Variants in ADAMTS2 observed in about 807,000 individuals in gnomAD.
ADAMTS2 encodes ADAM metallopeptidase with thrombospondin type 1 motif 2.
ADAMTS2 carries 50 observed loss-of-function variants against 123.0 expected under a neutral mutation model. The ratio of observed to expected loss-of-function variants is 0.41; its 90% CI spans 0.32 to 0.51. The LOEUF (loss-of-function observed/expected upper bound fraction) is 0.51, where lower values mean the gene tolerates loss of function less well. Among genes scored for constraint, ADAMTS2 ranks in the 20% least tolerant of loss-of-function variants. ADAMTS2 has a pLI of 0.35. For missense variants in ADAMTS2, 1,494 were observed against 1,705.2 expected (o/e 0.88, Z 2.18); for synonymous variants, 678 against 695.4 (o/e 0.98, Z 0.39).
intron 18 of ADAMTS2, 46 bp from the exon 19 acceptor site, chr5:179,125,226 A>G: frequency 6.3e-7 from 1 of 1,587,540 alleles, no homozygotes; most frequent in African/African-American, 1.3e-5. Flanking sequence ...CAGCACCTGG[A>G]GAACCTGCCT....
intron 2 of ADAMTS2, among the ~76,000 whole-genome samples, chr5:179,275,752 T>C (rs1379461681): frequency 6.6e-6 from 1 of 152,184 alleles, no homozygotes; most frequent in Non-Finnish European, 1.5e-5. Context: ...ATGCCTGGAT[T>C]TGGGTCAGGT....
intron 5 of ADAMTS2, among the ~76,000 whole-genome samples, chr5:179,172,627 C>A (rs1045940391): frequency 6.6e-6 from 1 of 152,202 alleles, no homozygotes; most frequent in Non-Finnish European, 1.5e-5. Flanking sequence ...CGTGAGCTAG[C>A]GCCCATAGGG....
At chr5:179,335,861 G>T (rs1341522890) in intron 2 of ADAMTS2, among the ~76,000 whole-genome samples, 1 of 152,208 alleles carries the variant, frequency 6.6e-6, no homozygotes, top group Non-Finnish European at 1.5e-5. Context: ...GGGCTGCAGA[G>T]CCTCCACGCC....
At chr5:179,153,947 G>A (rs1438380036) in intron 8 of ADAMTS2, 102 bp downstream of exon 8, 4 of 1,471,624 alleles carry the variant, frequency 2.7e-6, no homozygotes, top group African/African-American at 2.8e-5. Flanking sequence ...TAGAGGACCT[G>A]AGGTCGGAGG....
At chr5:179,154,750 G>T in intron 7 of ADAMTS2, 64 bp downstream of exon 7, 1 of 1,355,312 alleles carries the variant, frequency 7.4e-7, no homozygotes, top group Non-Finnish European at 1.0e-6. Flanking sequence ...AGGAGAAGTG[G>T]GCAGCCAGGG....
At chr5:179,287,257 C>T (rs976888789) in intron 2 of ADAMTS2, among the ~76,000 whole-genome samples, 13 of 152,194 alleles carry the variant, frequency 8.5e-5, no homozygotes, top group African/African-American at 2.4e-4. Context: ...AGTAGGAGCC[C>T]GCCCAGGGCT....
rs1230071543 is a variant in ADAMTS2, at chr5:179,303,171, C to G, written c.535-30107G>C. On this transcript the variant is annotated intron_variant, in intron 2 of 21. Coordinates refer to ENST00000251582, the MANE Select transcript of ADAMTS2 (RefSeq NM_014244.5). This position sits in a 1 kb window ranked among gnomAD's most constrained non-coding sequence, Gnocchi z 4.7. ...GGCATGTTGTGAGAATTGCTGGGGG[C>G]AGGATCTCCCTCCCTCTCTCTATGA... Among the ~76,000 whole-genome samples, 2 of 152,150 alleles carry G rather than the reference C, an allele frequency of 1.3e-5. No individual in the cohort carries two copies. Among genetic ancestry groups the G allele is most frequent in the African/African-American group, 4.8e-5 (2 of 41,420 alleles).
chr5:179,341,377 GA>G, intron 2 of ADAMTS2: 1 of 353,876 alleles, frequency 2.8e-6, no homozygotes, highest in African/African-American at 2.3e-5. Context: ...AGGAAGGAAG[GA>G]AAGAGAAGAG....
At chr5:179,280,187 C>CT (rs1057209444) in intron 2 of ADAMTS2, among the ~76,000 whole-genome samples, 11 of 152,182 alleles carry the variant, frequency 7.2e-5, no homozygotes, top group African/African-American at 2.7e-4. Context: ...CAGAAAGTCT[C>CT]TTTTTTGGCC....
chr5:179,262,194 C>T lies in ADAMTS2; in HGVS notation c.688+10717G>A, dbSNP rs1041737845. 1.3e-5 allele frequency among the ~76,000 whole-genome samples: 2 copies of T among 150,372 alleles called. No individual in the cohort carries two copies. The highest frequency in any genetic ancestry group is 2.9e-5 in the Non-Finnish European group (2 of 67,930). On this transcript the variant is annotated intron_variant, in intron 3 of 21. Transcript: ENST00000251582. This position sits in a 1 kb window ranked among gnomAD's most constrained non-coding sequence, Gnocchi z 5.9. ...CAGACCACCTAACCTGCCACCCCCACCAGCACACCTGCCCGGCCACCCCCA... is the reference window on the plus strand; with the variant it reads ...CAGACCACCTAACCTGCCACCCCCATCAGCACACCTGCCCGGCCACCCCCA...
rs911106304 is a variant in ADAMTS2, at chr5:179,192,815, G to A, written c.892-11660C>T. On this transcript the variant is annotated intron_variant, in intron 4 of 21. Transcript: ENST00000251582. Reference sequence around the variant, plus strand: ...ATCCTGGTAACTTCCTGGCACCATCGTGATCTCCAGTCGCCTTCGTTTGTT... The same window carrying A: ...ATCCTGGTAACTTCCTGGCACCATCATGATCTCCAGTCGCCTTCGTTTGTT... Among the ~76,000 whole-genome samples the A allele has an allele frequency of 2.6e-5, 4 of 152,134 alleles. No individual in the cohort carries two copies. The East Asian group carries it at 5.8e-4, about 22-fold the overall frequency.
intron 2 of ADAMTS2, among the ~76,000 whole-genome samples, chr5:179,315,325 T>TTC (rs547899229): frequency 6.6e-6 from 1 of 151,718 alleles, no homozygotes; most frequent in African/African-American, 2.4e-5. Flanking sequence ...GAGGCCACAG[T>TTC]GCTTTGGGAA....
chr5:179,291,260 G>A (rs952903718), intron 2 of ADAMTS2, among the ~76,000 whole-genome samples: 6 of 152,192 alleles, frequency 3.9e-5, no homozygotes, highest in Non-Finnish European at 5.9e-5. Context: ...ATCGGCTGTG[G>A]GGCCACCTCC....
intron 3 of ADAMTS2, among the ~76,000 whole-genome samples, chr5:179,268,538 C>T (rs370675995): frequency 1.3e-5 from 2 of 152,328 alleles, no homozygotes; most frequent in East Asian, 3.9e-4. Flanking sequence ...GTCCCAAGGT[C>T]AGTCTCTGGG....
chr5:179,322,592 T>TCTTGA (rs1272692369), intron 2 of ADAMTS2, among the ~76,000 whole-genome samples: 1 of 152,108 alleles, frequency 6.6e-6, no homozygotes, highest in African/African-American at 2.4e-5. Flanking sequence ...AGATGACTTG[T>TCTTGA]CAAGGCTGCG....
rs1326541173 is a variant in ADAMTS2 at position 179,197,598 on chromosome 5, G to A, written c.891+9915C>T. On this transcript the variant is annotated intron_variant, in intron 4 of 21. Transcript: ENST00000251582. This position sits in a 1 kb window ranked among gnomAD's most constrained non-coding sequence, Gnocchi z 4.2. ...CTTTAAAAAATGAGTCAGGCATGGT[G>A]GTGTGTGCCTGTAGTCCCAGCTGCT... Among the ~76,000 whole-genome samples the A allele has an allele frequency of 1.3e-5, 2 of 152,116 alleles. No individual in the cohort carries two copies. Among genetic ancestry groups the A allele is most frequent in the Non-Finnish European group, 2.9e-5 (2 of 68,032 alleles).
intron 5 of ADAMTS2, among the ~76,000 whole-genome samples, chr5:179,174,807 TC>T (rs1561790047): frequency 6.6e-6 from 1 of 151,806 alleles, no homozygotes; most frequent in African/African-American, 2.4e-5. Context: ...GGAAGTCTCT[TC>T]CTTGCTTGGG....
At chr5:179,271,861 C>T (rs1252340877) in intron 3 of ADAMTS2, among the ~76,000 whole-genome samples, 3 of 152,202 alleles carry the variant, frequency 2.0e-5, no homozygotes, top group South Asian at 2.1e-4. Context: ...GTAAATGAGG[C>T]GGGGCTGCTA....
At chr5:179,154,792 C>T in intron 7 of ADAMTS2, 22 bp downstream of exon 7, 1 of 1,588,340 alleles carries the variant, frequency 6.3e-7, no homozygotes, top group Non-Finnish European at 8.6e-7. Flanking sequence ...CTCTGTGCCC[C>T]ACCCTTCCCC....
Sources: gnomAD v4.1 joint callset for allele counts (sites outside exome capture counted in the v4.1 genomes callset) on GRCh38, gnomAD v4.1.1 for gene constraint, Gnocchi (gnomAD v3.1) non-coding constraint, MANE v1.5 for transcripts, NCBI Gene and HGNC (gene_info 2026-07-23, HGNC 2026-07-21) for gene names.